EVA1C: variants seen among roughly 807,000 people sequenced by gnomAD.
The protein encoded by EVA1C is protein eva-1 homolog C.
EVA1C carries 25 observed loss-of-function variants against 45.4 expected under a neutral mutation model. That is an observed-to-expected ratio of 0.55 (90% CI 0.40 to 0.77). The LOEUF (loss-of-function observed/expected upper bound fraction) is 0.77, where lower values mean the gene tolerates loss of function less well. Among genes scored for constraint, EVA1C ranks in the 30% least tolerant of loss-of-function variants. The pLI, the probability that EVA1C is intolerant of heterozygous loss-of-function variation, is 0.00. For synonymous variants in EVA1C, 190 were observed against 221.2 expected, an observed-to-expected ratio of 0.86 and a Z score of 1.25; for missense variants, 479 against 554.8, an observed-to-expected ratio of 0.86 and a Z score of 1.37.
intron 4 of EVA1C, among the ~76,000 whole-genome samples, chr21:32,487,952 A>AG (rs2037028280): frequency 6.6e-6 from 1 of 152,174 alleles, no homozygotes; most frequent in Non-Finnish European, 1.5e-5. Context: ...TCAGAGGCCC[A>AG]GGCTTGCGAT....
chr21:32,463,701 A>G (rs1251254982), intron 3 of EVA1C, among the ~76,000 whole-genome samples: 2 of 152,158 alleles, frequency 1.3e-5, no homozygotes, highest in African/African-American at 4.8e-5. Context: ...AGATGTGGCT[A>G]ATAAATGCGT....
At chr21:32,463,530 A>T (rs559085417) in intron 3 of EVA1C, among the ~76,000 whole-genome samples, 25 of 152,214 alleles carry the variant, frequency 1.6e-4, no homozygotes, top group Non-Finnish European at 2.8e-4. Context: ...CACCCCCAGG[A>T]TGTAATGTGA....
chr21:32,484,413 G>A (rs926424714), intron 4 of EVA1C, among the ~76,000 whole-genome samples: 4 of 152,066 alleles, frequency 2.6e-5, no homozygotes, highest in Admixed American at 6.5e-5. Context: ...GCGCAGTGGC[G>A]TGTGCCTGTA....
chr21:32,467,634 A>C, intron 3 of EVA1C, 62 bp from the exon 4 acceptor site: 4 of 1,524,134 alleles, frequency 2.6e-6, no homozygotes, highest in Non-Finnish European at 2.7e-6. Context: ...GGACTTGGAC[A>C]GAGCTCACCA....
intron 4 of EVA1C, among the ~76,000 whole-genome samples, chr21:32,492,490 G>A (rs1568940300): frequency 6.6e-6 from 1 of 152,008 alleles, no homozygotes; most frequent in Non-Finnish European, 1.5e-5. Flanking sequence ...TGTTGTTAGA[G>A]GGTAGAGGAG....
At chr21:32,434,612 A>T (rs2034859748) in intron 1 of EVA1C, among the ~76,000 whole-genome samples, 1 of 150,132 alleles carries the variant, frequency 6.7e-6, no homozygotes, top group Non-Finnish European at 1.5e-5. Flanking sequence ...AAATAAATAA[A>T]TAAATAAATA....
At chr21:32,456,182 G>A (rs1487844827) in intron 2 of EVA1C, among the ~76,000 whole-genome samples, 3 of 147,802 alleles carry the variant, frequency 2.0e-5, no homozygotes, top group Non-Finnish European at 4.6e-5. Context: ...GTGAGCCACC[G>A]CGCCCAGCCT....
In EVA1C at chr21:32,412,832, C is replaced by T. The variant is rs961703064; in HGVS notation, c.-22C>T. The T allele has an allele frequency of 6.4e-6, 9 of 1,406,658 alleles. No homozygotes were observed. In the Admixed American group the frequency reaches 1.6e-4, roughly 25 times the overall value. The allele number at this position is 1,406,658 out of a possible 1,614,324, so 87.1% of individuals were successfully genotyped here. ...CCCAGCGCGTCCCGGGCCTGCGCCT[C>T]CGCCCCGCCGCGCAGCGCACGATGC... On this transcript the variant is annotated 5_prime_UTR_variant, in exon 1 of 8. Coordinates refer to ENST00000300255, the MANE Select transcript of EVA1C (RefSeq NM_058187.5).
Position 32,416,206 on chromosome 21 carries a change from TTG to T in EVA1C, c.160+3214_160+3215del, listed in dbSNP as rs113090077. Among the ~76,000 whole-genome samples the T allele has an allele frequency of 5.5e-3, 819 of 149,932 alleles. 8 individuals carry two copies. Among genetic ancestry groups the T allele is most frequent in the African/African-American group, 0.018 (746 of 41,106 alleles). On this transcript the variant is annotated intron_variant, in intron 1 of 7. Transcript: ENST00000300255. Reference sequence around the variant, plus strand: ...TGATGGTCCCTCAGTACTTACTGTTTTGTGTGTGTGTGTGTGTGTGTGCTTCT... The same window carrying T: ...TGATGGTCCCTCAGTACTTACTGTTTTGTGTGTGTGTGTGTGTGTGCTTCT...
chr21:32,469,397 T>A (rs1316799491), intron 4 of EVA1C, among the ~76,000 whole-genome samples: 1 of 152,090 alleles, frequency 6.6e-6, no homozygotes, highest in Non-Finnish European at 1.5e-5. Context: ...TGGGGACAAG[T>A]GTCCAGGTAG....
chr21:32,431,707 C>T (rs535151739), intron 1 of EVA1C, among the ~76,000 whole-genome samples: 2 of 152,244 alleles, frequency 1.3e-5, no homozygotes, highest in Admixed American at 6.5e-5. Flanking sequence ...ACAAAGACAT[C>T]CTTTATACCC....
chr21:32,432,646 C>T (rs1431252353), intron 1 of EVA1C, among the ~76,000 whole-genome samples: 2 of 150,904 alleles, frequency 1.3e-5, no homozygotes, highest in Non-Finnish European at 3.0e-5. Context: ...AATGTTGTTC[C>T]GTAATCCTTC....
At chr21:32,425,334 CAAAAAAAAAAA>C (rs60224656) in intron 1 of EVA1C, among the ~76,000 whole-genome samples, 1 of 57,788 alleles carries the variant, frequency 1.7e-5, no homozygotes, top group Non-Finnish European at 3.3e-5. Flanking sequence ...GACTCCATCT[CAAAAAAAAAAA>C]AAAAAAAAAA....
Position 32,478,080 on chromosome 21 carries a change from C to T in EVA1C, c.634+10232C>T, listed in dbSNP as rs183126591. ...AACGCACGAATTCCAAGAGATGAGC[C>T]TCACTGGGGACCCTTTTGAAGGCTG... On this transcript the variant is annotated intron_variant, in intron 4 of 7. Coordinates refer to ENST00000300255, the MANE Select transcript of EVA1C (RefSeq NM_058187.5). Among the ~76,000 whole-genome samples the T allele has an allele frequency of 1.0e-2, 1,486 of 148,836 alleles. 27 individuals are homozygous for T. Among genetic ancestry groups the T allele is most frequent in the African/African-American group, 0.035 (1,423 of 40,272 alleles).
At position 32,474,767 on chromosome 21, in the gene EVA1C, T is replaced by G. The variant is rs1430024055; in HGVS notation, c.634+6919T>G. Among the ~76,000 whole-genome samples the G allele has an allele frequency of 6.6e-6, 1 of 152,232 alleles. No homozygotes were observed. The highest frequency in any genetic ancestry group is 1.5e-5 in the Non-Finnish European group (1 of 68,044). ...CTCCCGAGGATGGATAATCGTCTGGTTACAGACTGGGAATGTAGGCCTGGT... is the reference window on the plus strand; with the variant it reads ...CTCCCGAGGATGGATAATCGTCTGGGTACAGACTGGGAATGTAGGCCTGGT... On this transcript the variant is annotated intron_variant, in intron 4 of 7. Coordinates refer to ENST00000300255, the MANE Select transcript of EVA1C (RefSeq NM_058187.5). This position sits in a 1 kb window ranked among gnomAD's most constrained non-coding sequence, Gnocchi z 4.4.
chr21:32,427,360 T>C (rs558663984), intron 1 of EVA1C, among the ~76,000 whole-genome samples: 24 of 152,234 alleles, frequency 1.6e-4, no homozygotes, highest in Non-Finnish European at 2.1e-4. Flanking sequence ...CCTAAAGACA[T>C]TATTGATCTT....
intron 2 of EVA1C, among the ~76,000 whole-genome samples, chr21:32,455,327 C>T (rs1023550957): frequency 3.3e-4 from 50 of 152,106 alleles, no homozygotes; most frequent in Non-Finnish European, 1.6e-4. Flanking sequence ...AACAAACAAA[C>T]AAACAAAAAC....
intron 7 of EVA1C, among the ~76,000 whole-genome samples, chr21:32,509,398 G>C (rs1223945924): frequency 6.6e-6 from 1 of 152,200 alleles, no homozygotes; most frequent in African/African-American, 2.4e-5. Context: ...AGAGGCACCT[G>C]GAGTCTTATG....
chr21:32,431,643 A>T (rs1258808816), intron 1 of EVA1C, among the ~76,000 whole-genome samples: 3 of 152,208 alleles, frequency 2.0e-5, no homozygotes, highest in African/African-American at 7.2e-5. Context: ...TTAGTTATTA[A>T]ATATGTAATA....
Sources: allele counts gnomAD v4.1 joint callset (sites outside exome capture counted in the v4.1 genomes callset), GRCh38; gene constraint gnomAD v4.1.1; non-coding constraint Gnocchi (gnomAD v3.1); transcripts MANE v1.5; gene names NCBI Gene and HGNC (gene_info 2026-07-23, HGNC 2026-07-21).